The following PRDM5 variants were observed in gnomAD, a reference collection of about 807,000 sequenced individuals.
PRDM5 encodes the protein PR domain zinc finger protein 5.
Under a neutral mutation model 81.2 loss-of-function variants are expected in PRDM5, and 56 were observed. The ratio of observed to expected loss-of-function variants is 0.69; its 90% confidence interval spans 0.56 to 0.86. PRDM5 has a LOEUF of 0.86. Ranked by LOEUF, PRDM5 falls within the 40% of genes least tolerant of loss-of-function variation. The pLI is 0.00. For synonymous variants in PRDM5, 267 were observed against 256.4 expected, an observed-to-expected ratio of 1.04 and a Z score of -0.39; for missense variants, 697 against 770.1, an observed-to-expected ratio of 0.91 and a Z score of 1.12.
intron 2 of PRDM5, among the ~76,000 whole-genome samples, chr4:120,861,338 A>C (rs7663873): frequency 6.6e-6 from 1 of 152,034 alleles, no homozygotes; most frequent in Non-Finnish European, 1.5e-5. Context: ...TTTTCCCTAC[A>C]GCATATTAAA....
chr4:120,749,018 T>C (rs1743575902), intron 14 of PRDM5, among the ~76,000 whole-genome samples: 1 of 152,092 alleles, frequency 6.6e-6, no homozygotes, highest in Admixed American at 6.6e-5. Flanking sequence ...GTGGGAAAAG[T>C]TATCCTCAAA....
At chr4:120,770,301 T>C (rs543597187) in intron 13 of PRDM5, among the ~76,000 whole-genome samples, 47 of 152,260 alleles carry the variant, frequency 3.1e-4, no homozygotes, top group Non-Finnish European at 6.3e-4. Context: ...AGTGCTGAGA[T>C]TACAGGCGTG....
intron 14 of PRDM5, among the ~76,000 whole-genome samples, chr4:120,736,307 T>C (rs1741122348): frequency 6.6e-6 from 1 of 152,006 alleles, no homozygotes; most frequent in Non-Finnish European, 1.5e-5. Flanking sequence ...TTTGCTATTG[T>C]GAATAGTGCT....
intron 3 of PRDM5, among the ~76,000 whole-genome samples, chr4:120,846,386 C>A (rs879716909): frequency 5.9e-5 from 9 of 152,218 alleles, no homozygotes; most frequent in Non-Finnish European, 1.2e-4. Flanking sequence ...TCAGCAACCA[C>A]CACCCTGATC....
chr4:120,888,035 G>A lies in PRDM5; in HGVS notation c.177+19439C>T, dbSNP rs1253909796. On this transcript the variant is annotated intron_variant, in intron 2 of 15. Coordinates refer to ENST00000264808, the MANE Select transcript of PRDM5 (RefSeq NM_018699.4). ...TCTCGATCTCCTGACCTCGTGATCC[G>A]CCCGCCTCGGCCTCCCAAAGTGCTG... 7.2e-5 allele frequency among the ~76,000 whole-genome samples: 4 copies of A among 55,678 alleles called. 1 individual carries two copies. The highest frequency in any genetic ancestry group is 5.6e-4 in the African/African-American group (3 of 5,332). The allele number at this position is 55,678 out of a possible 152,430, so 36.5% of individuals were successfully genotyped here. A position where few individuals can be genotyped will look rare whatever the true frequency, so the allele number is the denominator to read the frequency against.
At chr4:120,901,187 A>C (rs1019401373) in intron 2 of PRDM5, among the ~76,000 whole-genome samples, 8 of 152,166 alleles carry the variant, frequency 5.3e-5, no homozygotes, top group African/African-American at 1.7e-4. Context: ...CTGTCAACCA[A>C]GAAGTATAGA....
intron 15 of PRDM5, among the ~76,000 whole-genome samples, chr4:120,699,481 G>C (rs909753999): frequency 1.3e-5 from 2 of 151,894 alleles, no homozygotes; most frequent in Non-Finnish European, 2.9e-5. Flanking sequence ...TCCTAACAGT[G>C]CCCTGAAAGC....
At chr4:120,703,493 T>C (rs892050879) in intron 15 of PRDM5, among the ~76,000 whole-genome samples, 3 of 152,130 alleles carry the variant, frequency 2.0e-5, no homozygotes, top group African/African-American at 7.2e-5. Context: ...CCTGGTCTCA[T>C]GTATTTGTTT....
intron 3 of PRDM5, chr4:120,838,845 T>C (rs1757663485): frequency 4.9e-6 from 1 of 203,092 alleles, no homozygotes; most frequent in Non-Finnish European, 1.0e-5. Context: ...CTCACACTAA[T>C]GGCCTGGATT....
intron 13 of PRDM5, among the ~76,000 whole-genome samples, chr4:120,761,987 C>T (rs1745686833): frequency 6.6e-6 from 1 of 151,856 alleles, no homozygotes; most frequent in Non-Finnish European, 1.5e-5. Flanking sequence ...GCCAATGTGC[C>T]CTATGCTTTG....
chr4:120,754,194 G>T (rs1001149808), intron 14 of PRDM5, among the ~76,000 whole-genome samples: 6 of 144,814 alleles, frequency 4.1e-5, no homozygotes, highest in African/African-American at 1.5e-4. Flanking sequence ...TGACAAACTT[G>T]CAGACTCTAT....
rs186176426 is a variant in PRDM5 at position 120,858,369 on chromosome 4, C to T, written c.178-4829G>A. On this transcript the variant is annotated intron_variant, in intron 2 of 15. Coordinates refer to ENST00000264808, the MANE Select transcript of PRDM5 (RefSeq NM_018699.4). ...TTAGGAGCACAAAAAAGCAAGTGTGCTCAAGTAGTCAATTCTGACGGCACA... is the reference window on the plus strand; with the variant it reads ...TTAGGAGCACAAAAAAGCAAGTGTGTTCAAGTAGTCAATTCTGACGGCACA... Among the ~76,000 whole-genome samples the T allele has an allele frequency of 7.2e-5, 11 of 152,074 alleles. No individual in the cohort carries two copies. In the East Asian group the frequency reaches 1.9e-3, roughly 27 times the overall value.
chr4:120,820,186 T>G (rs929722845), intron 4 of PRDM5, among the ~76,000 whole-genome samples: 8 of 152,212 alleles, frequency 5.3e-5, no homozygotes, highest in African/African-American at 1.7e-4. Flanking sequence ...TGTGTCCTCA[T>G]GTATGGGCTT....
At chr4:120,907,594 C>G in intron 1 of PRDM5, 37 bp from the exon 2 acceptor site, 9 of 1,475,216 alleles carry the variant, frequency 6.1e-6, no homozygotes, top group Non-Finnish European at 8.5e-6. Context: ...AGGATTAGTA[C>G]AATAAATCAA....
At chr4:120,873,697 A>G (rs995325720) in intron 2 of PRDM5, among the ~76,000 whole-genome samples, 1 of 152,212 alleles carries the variant, frequency 6.6e-6, no homozygotes, top group African/African-American at 2.4e-5. Context: ...TATGTCGGTT[A>G]TTTCATTCCA....
At chr4:120,757,586 C>T (rs914634017) in intron 13 of PRDM5, among the ~76,000 whole-genome samples, 28 of 152,298 alleles carry the variant, frequency 1.8e-4, no homozygotes, top group African/African-American at 6.7e-4. Context: ...AATTAGTAGG[C>T]TGTGTAAAGA....
chr4:120,884,430 G>A (rs536109284), intron 2 of PRDM5, among the ~76,000 whole-genome samples: 1,733 of 121,110 alleles, frequency 0.014, 100 homozygotes, highest in Admixed American at 0.11. Flanking sequence ...TAAAAGAAAT[G>A]TTCTTTTATA....
chr4:120,844,706 G>GT (rs1407392170), intron 3 of PRDM5, among the ~76,000 whole-genome samples: 1 of 152,132 alleles, frequency 6.6e-6, no homozygotes, highest in Non-Finnish European at 1.5e-5. Context: ...ACAATGGCCT[G>GT]TAAGTATTCA....
intron 8 of PRDM5, among the ~76,000 whole-genome samples, chr4:120,807,877 C>T (rs1210710021): frequency 6.6e-6 from 1 of 151,872 alleles, no homozygotes; most frequent in African/African-American, 2.4e-5. Context: ...GGAGTTTCTT[C>T]CTTCTGGTGG....
Sources: gnomAD v4.1 joint callset for allele counts (sites outside exome capture counted in the v4.1 genomes callset) on GRCh38, gnomAD v4.1.1 for gene constraint, MANE v1.5 for transcripts, NCBI Gene and HGNC (gene_info 2026-07-23, HGNC 2026-07-21) for gene names.